The following NRXN3 variants were observed in gnomAD, a reference collection of about 807,000 sequenced individuals.
NRXN3 encodes neurexin 3.
A neutral mutation model predicts 137.6 loss-of-function variants in NRXN3; 32 were observed. The ratio of observed to expected loss-of-function variants is 0.23; its 90% CI spans 0.18 to 0.31. The LOEUF is 0.31. Among genes scored for constraint, NRXN3 ranks in the 10% least tolerant of loss-of-function variants. The pLI is 1.00. For missense variants in NRXN3, 1,574 were observed against 2,062.5 expected (o/e 0.76, Z 4.59); for synonymous variants, 798 against 784.5 (o/e 1.02, Z -0.29).
chr14:79,216,204 G>T (rs1251480045), intron 15 of NRXN3, among the ~76,000 whole-genome samples: 2 of 152,142 alleles, frequency 1.3e-5, no homozygotes, highest in East Asian at 3.9e-4. Context: ...GCTGAAGTTA[G>T]CTGAGATGGT....
chr14:79,811,726 C>T (rs1460095624), intron 20 of NRXN3, among the ~76,000 whole-genome samples: 4 of 151,486 alleles, frequency 2.6e-5, no homozygotes, highest in African/African-American at 9.7e-5. Flanking sequence ...GGACTACAGA[C>T]GCCCGCCACC....
chr14:78,443,210 C>A (rs1353475875), intron 4 of NRXN3, among the ~76,000 whole-genome samples: 1 of 152,202 alleles, frequency 6.6e-6, no homozygotes, highest in Non-Finnish European at 1.5e-5. Context: ...AAGGTGTGCT[C>A]AAACTCAGCA....
In NRXN3 at chr14:78,765,396, G is replaced by T. The variant is rs546137997; in HGVS notation, c.2045-38224G>T. 2.2e-3 allele frequency among the ~76,000 whole-genome samples: 332 copies of T among 152,130 alleles called. 3 individuals carry two copies. The highest frequency in any genetic ancestry group is 3.7e-3 in the Non-Finnish European group (252 of 67,974). On this transcript the variant is annotated intron_variant, in intron 8 of 20. Coordinates refer to ENST00000335750, the MANE Select transcript of NRXN3 (RefSeq NM_001330195.2). The stretch of plus-strand genomic sequence containing the variant: ...TCGAACTCTTGAGCTCAGGTGATCC[G>T]CCTGCCTCGGCCTCCCAAAGTGCTG...
At chr14:79,436,940 C>G (rs181229048) in intron 15 of NRXN3, among the ~76,000 whole-genome samples, 2 of 152,322 alleles carry the variant, frequency 1.3e-5, no homozygotes, top group East Asian at 1.9e-4. Context: ...ACCTTGTCCA[C>G]GCTGCACACA....
chr14:79,001,539 A>G (rs1027028550), intron 15 of NRXN3, among the ~76,000 whole-genome samples: 1 of 152,146 alleles, frequency 6.6e-6, no homozygotes, highest in Admixed American at 6.5e-5. Flanking sequence ...TTGCAGCTGT[A>G]CTTCTTTCTC....
intron 2 of NRXN3, among the ~76,000 whole-genome samples, chr14:78,249,365 C>CG (rs1555426986): frequency 6.6e-6 from 1 of 152,176 alleles, no homozygotes; most frequent in Non-Finnish European, 1.5e-5. Context: ...GGACCGATGC[C>CG]GGGGGCTAAT....
chr14:79,767,250 T>G (rs78309920), intron 19 of NRXN3, among the ~76,000 whole-genome samples: 3,905 of 152,290 alleles, frequency 0.026, 156 homozygotes, highest in African/African-American at 0.09. Context: ...GCTTCAATAT[T>G]ACAGACCTTA....
intron 15 of NRXN3, among the ~76,000 whole-genome samples, chr14:79,427,984 C>CGTGTGTGTGTGCGT (rs1555441992): frequency 6.6e-6 from 1 of 151,798 alleles, no homozygotes; most frequent in Non-Finnish European, 1.5e-5. Flanking sequence ...ACGTTCTGCA[C>CGTGTGTGTGTGCGT]GTGTGTGTGT....
At chr14:79,793,535 TC>T (rs2099151966) in intron 19 of NRXN3, among the ~76,000 whole-genome samples, 1 of 152,230 alleles carries the variant, frequency 6.6e-6, no homozygotes, top group Non-Finnish European at 1.5e-5. Flanking sequence ...TGAAACCATG[TC>T]ACACTCCTTT....
At chr14:79,772,675 T>A (rs1332669505) in intron 19 of NRXN3, among the ~76,000 whole-genome samples, 1 of 152,170 alleles carries the variant, frequency 6.6e-6, no homozygotes, top group African/African-American at 2.4e-5. Flanking sequence ...ATAAAAACCC[T>A]GGAAGAAAAC....
At chr14:79,528,301 G>A (rs1354786567) in intron 16 of NRXN3, among the ~76,000 whole-genome samples, 1 of 152,126 alleles carries the variant, frequency 6.6e-6, no homozygotes, top group African/African-American at 2.4e-5. Context: ...CTATTATCAT[G>A]TTCTTGTGTG....
chr14:78,965,323 G>A (rs1447369353), intron 11 of NRXN3, among the ~76,000 whole-genome samples: 2 of 152,128 alleles, frequency 1.3e-5, no homozygotes, highest in African/African-American at 4.8e-5. Context: ...AACTCTGAGG[G>A]CCTAAGCCCC....
rs190648785 is a variant in NRXN3, at chr14:78,238,178, C to T, written c.-703-4213C>T. ...ACCACCCTGCCCCCTCCTAAGCAGCCGGCTTATGAGACATTTGCAAAGATG... is the reference window on the plus strand; with the variant it reads ...ACCACCCTGCCCCCTCCTAAGCAGCTGGCTTATGAGACATTTGCAAAGATG... On this transcript the variant is annotated intron_variant, in intron 1 of 20. Transcript: ENST00000335750. Among the ~76,000 whole-genome samples the T allele has an allele frequency of 2.4e-4, 36 of 151,188 alleles. No homozygotes were observed. In the East Asian group the frequency reaches 5.7e-3, roughly 24 times the overall value.
intron 15 of NRXN3, among the ~76,000 whole-genome samples, chr14:79,225,347 C>T (rs2070659556): frequency 2.0e-5 from 3 of 152,164 alleles, no homozygotes. Context: ...TCCCTGATCA[C>T]AGAGCTTCCC....
In NRXN3 at chr14:79,009,814, C is replaced by T. The variant is rs149742855; in HGVS notation, c.3262+21673C>T. On this transcript the variant is annotated intron_variant, in intron 15 of 20. Coordinates refer to ENST00000335750, the MANE Select transcript of NRXN3 (RefSeq NM_001330195.2). Reference sequence around the variant, plus strand: ...AGGTGACCAGTTCAACCATCTCTCTCGGTTACAAATGCCTGTGGTTGGTCC... The same window carrying T: ...AGGTGACCAGTTCAACCATCTCTCTTGGTTACAAATGCCTGTGGTTGGTCC... 5.8e-4 allele frequency among the ~76,000 whole-genome samples: 88 copies of T among 152,288 alleles called. 1 individual carries two copies. Among genetic ancestry groups the T allele is most frequent in the Admixed American group, 1.5e-3 (23 of 15,298 alleles).
intron 20 of NRXN3, among the ~76,000 whole-genome samples, chr14:79,845,350 G>C (rs961550262): frequency 6.6e-6 from 1 of 152,184 alleles, no homozygotes; most frequent in African/African-American, 2.4e-5. Context: ...GGCCCAAAAG[G>C]CCTAGTTTTT....
At chr14:79,162,989 TTTTTC>T (rs1264813040) in intron 15 of NRXN3, among the ~76,000 whole-genome samples, 7 of 151,964 alleles carry the variant, frequency 4.6e-5, no homozygotes, top group Non-Finnish European at 1.0e-4. Flanking sequence ...TCTCTTCCTT[TTTTTC>T]TTCTCTCTGT....
At chr14:78,456,089 A>G (rs895920003) in intron 4 of NRXN3, among the ~76,000 whole-genome samples, 3 of 152,192 alleles carry the variant, frequency 2.0e-5, no homozygotes, top group Non-Finnish European at 4.4e-5. Flanking sequence ...AAGCCTGTCA[A>G]TGGCACTGTG....
intron 15 of NRXN3, among the ~76,000 whole-genome samples, chr14:79,203,856 C>T (rs1195538327): frequency 5.3e-5 from 8 of 152,148 alleles, no homozygotes; most frequent in African/African-American, 1.7e-4. Flanking sequence ...TCAAGAATGA[C>T]TCATTTGGCC....
Sources: allele counts gnomAD v4.1 joint callset (sites outside exome capture counted in the v4.1 genomes callset), GRCh38; gene constraint gnomAD v4.1.1; transcripts MANE v1.5; gene names NCBI Gene and HGNC (gene_info 2026-07-23, HGNC 2026-07-21).